Variants in GABPB2 observed in about 807,000 individuals in gnomAD.
The protein encoded by GABPB2 is GA binding protein transcription factor subunit beta 2, also known as GA-binding protein subunit beta-2.
Under a neutral mutation model 39.1 loss-of-function variants are expected in GABPB2, and 23 were observed. The observed-to-expected ratio is 0.59, with a 90% CI of 0.42 to 0.83. The LOEUF is 0.83. Among genes scored for constraint, GABPB2 ranks in the 40% least tolerant of loss-of-function variants. GABPB2 has a pLI of 0.00. For synonymous variants in GABPB2, 184 were observed against 199.3 expected (o/e 0.92, Z 0.65); for missense variants, 467 against 541.1 (o/e 0.86, Z 1.36).
chr1:151,102,815 A>G lies in GABPB2; in HGVS notation c.623-747A>G, dbSNP rs587628716. Among the ~76,000 whole-genome samples, 11 of 152,284 alleles carry G rather than the reference A, an allele frequency of 7.2e-5. No individual in the cohort carries two copies. In the South Asian group the frequency reaches 2.3e-3, roughly 32 times the overall value. On this transcript the variant is annotated intron_variant, in intron 5 of 8. Transcript: ENST00000368918. ...TCTTCACATCTATCTAGCTGATGAA[A>G]AAAGGTAGTATGATTGGGTAAAGCC... is the stretch of plus-strand genomic sequence containing the variant.
chr1:151,109,899 C>T lies in GABPB2; in HGVS notation c.922+2677C>T, dbSNP rs1049037683. Among the ~76,000 whole-genome samples the T allele has an allele frequency of 2.7e-5, 4 of 149,952 alleles. 1 individual carries two copies. The highest frequency in any genetic ancestry group is 9.8e-5 in the African/African-American group (4 of 40,984). ...TGTCACCCAGGCTGGAGTGCAGTGG[C>T]GTGATCTCGGCACACTGCAGTCTCC... On this transcript the variant is annotated intron_variant, in intron 7 of 8. Transcript: ENST00000368918.
intron 5 of GABPB2, among the ~76,000 whole-genome samples, chr1:151,103,200 C>A (rs931222817): frequency 3.3e-5 from 5 of 151,684 alleles, no homozygotes; most frequent in Non-Finnish European, 5.9e-5. Flanking sequence ...CAGGCGCCCA[C>A]CACCACGCCC....
intron 2 of GABPB2, among the ~76,000 whole-genome samples, chr1:151,089,607 ACTTT>A (rs1439491866): frequency 6.6e-6 from 1 of 151,944 alleles, no homozygotes; most frequent in Non-Finnish European, 1.5e-5. Flanking sequence ...TCCACATGTA[ACTTT>A]CTAGTCTCTA....
At chr1:151,096,135 C>A (rs1430524124) in intron 4 of GABPB2, among the ~76,000 whole-genome samples, 1 of 151,128 alleles carries the variant, frequency 6.6e-6, no homozygotes, top group Non-Finnish European at 1.5e-5. Flanking sequence ...GAAAAACAGT[C>A]ATTTCTGGCT....
intron 1 of GABPB2, among the ~76,000 whole-genome samples, chr1:151,075,557 T>C: frequency 7.4e-6 from 1 of 135,786 alleles, no homozygotes; most frequent in African/African-American, 2.8e-5. Flanking sequence ...GAGCGAGACT[T>C]TGTCTCAAAA....
rs1681062637 is a variant in GABPB2, at chr1:151,118,743, C to G, written c.*487C>G. On this transcript the variant is annotated 3_prime_UTR_variant, in exon 9 of 9. Transcript: ENST00000368918. The stretch of plus-strand genomic sequence containing the variant: ...TTGGGGAAGAGAAAAGGAATATAGT[C>G]CATTTCCAAAGGAGCAGGAACTCCC... 6.6e-6 allele frequency: 1 copy of G among 152,408 alleles called. No homozygotes were observed. Among genetic ancestry groups the G allele is most frequent in the Non-Finnish European group, 1.5e-5 (1 of 68,420 alleles). 9.4% of individuals were successfully genotyped at this position (152,408 alleles called of 1,614,324 possible).
chr1:151,080,232 A>AAC (rs1553260885), intron 1 of GABPB2, among the ~76,000 whole-genome samples: 14 of 118,954 alleles, frequency 1.2e-4, no homozygotes, highest in South Asian at 2.8e-4. Context: ...AAAAAAAAAA[A>AAC]AAAAAAAAAA....
chr1:151,088,771 C>T (rs587653617), intron 2 of GABPB2, among the ~76,000 whole-genome samples: 2 of 152,156 alleles, frequency 1.3e-5, no homozygotes, highest in South Asian at 2.1e-4. Flanking sequence ...GAGTCCAAGG[C>T]GGGCGGATCA....
chr1:151,117,137 A>G (rs1031449645), intron 7 of GABPB2, among the ~76,000 whole-genome samples: 1 of 152,170 alleles, frequency 6.6e-6, no homozygotes, highest in African/African-American at 2.4e-5. Context: ...AAAATAATAT[A>G]TCAAGGAATA....
chr1:151,111,343 A>G (rs1680409855), intron 7 of GABPB2, among the ~76,000 whole-genome samples: 2 of 150,312 alleles, frequency 1.3e-5, no homozygotes, highest in South Asian at 4.2e-4. Context: ...TCCTGGGTTC[A>G]AGCAATTCTC....
At chr1:151,114,084 G>A (rs1680667282) in intron 7 of GABPB2, among the ~76,000 whole-genome samples, 1 of 151,682 alleles carries the variant, frequency 6.6e-6, no homozygotes, top group African/African-American at 2.4e-5. Context: ...AGTGGCTCAT[G>A]CCTATAATCC....
chr1:151,105,841 T>G (rs1263866437), intron 6 of GABPB2, among the ~76,000 whole-genome samples: 1 of 152,054 alleles, frequency 6.6e-6, no homozygotes, highest in Non-Finnish European at 1.5e-5. Flanking sequence ...AAAAAAGCCA[T>G]CTAACATTTT....
At chr1:151,080,625 A>T (rs1351675861) in intron 1 of GABPB2, among the ~76,000 whole-genome samples, 2 of 151,250 alleles carry the variant, frequency 1.3e-5, no homozygotes, top group East Asian at 3.9e-4. Context: ...AGACAAGCAG[A>T]TCACTTGAGG....
chr1:151,092,249 G>A (rs1678779031), intron 3 of GABPB2, among the ~76,000 whole-genome samples: 1 of 151,740 alleles, frequency 6.6e-6, no homozygotes, highest in Non-Finnish European at 1.5e-5. Context: ...TGGGACTACA[G>A]GCGTGCTCCA....
chr1:151,111,974 C>T (rs1451435588), intron 7 of GABPB2: 3 of 149,926 alleles, frequency 2.0e-5, no homozygotes, highest in African/African-American at 7.3e-5. Flanking sequence ...CCTGTAATCC[C>T]AGCACTTTGG....
chr1:151,109,167 C>G (rs587610428), intron 7 of GABPB2, among the ~76,000 whole-genome samples: 2 of 151,920 alleles, frequency 1.3e-5, no homozygotes, highest in East Asian at 3.9e-4. Flanking sequence ...GCACTCCAGC[C>G]TGGGCAACAG....
intron 7 of GABPB2, among the ~76,000 whole-genome samples, chr1:151,114,344 TAATAAATAAATA>T (rs371504117): frequency 5.0e-4 from 75 of 150,286 alleles, no homozygotes; most frequent in African/African-American, 1.5e-3. Context: ...CTCTGTCTCA[TAATAAATAAATA>T]AATAAATAAA....
chr1:151,118,034 C>T lies in GABPB2; in HGVS notation c.1125C>T (p.Leu375=), dbSNP rs778482928. 1.2e-6 allele frequency: 2 copies of T among 1,614,090 alleles called. No individual in the cohort carries two copies. The highest frequency in any genetic ancestry group is 1.7e-6 in the Non-Finnish European group (2 of 1,180,028). The part of the protein sequence containing the change: ...NRRAQEYRHQ[L]LKKEQEAEQY... ...GAGCCCAGGAATACCGACACCAGCT[C>T]CTAAAGAAAGAGCAGGAAGCAGAAC... Residue 375 remains leucine (L), a synonymous_variant, in exon 9 of 9, where the codon CTC becomes CTT. Coordinates refer to ENST00000368918, the MANE Select transcript of GABPB2 (RefSeq NM_144618.3).
intron 1 of GABPB2, among the ~76,000 whole-genome samples, chr1:151,080,548 TA>T (rs1162493557): frequency 4.8e-5 from 7 of 144,456 alleles, no homozygotes; most frequent in East Asian, 2.0e-4. Flanking sequence ...AATAAATAAA[TA>T]AAATAAAAAG....
Sources: allele counts gnomAD v4.1 joint callset (sites outside exome capture counted in the v4.1 genomes callset), GRCh38; gene constraint gnomAD v4.1.1; transcripts MANE v1.5; gene names NCBI Gene and HGNC (gene_info 2026-07-23, HGNC 2026-07-21).